BLZF1: variants seen among roughly 807,000 people sequenced by gnomAD.
The protein encoded by BLZF1 is basic leucine zipper nuclear factor 1, also known as golgin-45.
Under a neutral mutation model 43.8 loss-of-function variants are expected in BLZF1, and 39 were observed. The observed-to-expected ratio is 0.89, with a 90% CI of 0.69 to 1.16. The LOEUF (loss-of-function observed/expected upper bound fraction) is 1.16, where lower values mean the gene tolerates loss of function less well. Ranked by LOEUF, BLZF1 falls within the 50% of genes most tolerant of loss-of-function variation. The probability of loss-of-function intolerance (pLI) is 0.00; values close to 1 mark genes in which losing one functional copy is unlikely to be tolerated. For missense variants in BLZF1, 449 were observed against 469.8 expected (o/e 0.96, Z 0.41); for synonymous variants, 136 against 159.4 (o/e 0.85, Z 1.11).
intron 4 of BLZF1, among the ~76,000 whole-genome samples, chr1:169,380,193 T>G (rs975006337): frequency 6.6e-6 from 1 of 151,994 alleles, no homozygotes; most frequent in Non-Finnish European, 1.5e-5. Context: ...CAAATTTTGG[T>G]CAATCTAGAG....
Position 169,382,125 on chromosome 1 carries a change from A to G in BLZF1, c.861A>G (p.Val287=). 6 of 1,613,896 alleles carry G rather than the reference A, an allele frequency of 3.7e-6. No homozygotes were observed. The highest frequency in any genetic ancestry group is 1.1e-5 in the South Asian group (1 of 91,082). ...WGREQTYSPS[V]QPHSTAELAL... ...GAGAGCAAACTTACTCCCCTAGTGT[A>G]CAACCCCACAGCACAGCAGAGCTAG... Residue 287 remains valine (V), a synonymous_variant, in exon 6 of 7, where the codon GTA becomes GTG. Transcript: ENST00000367808.
chr1:169,369,908 A>G (rs1412268953), intron 2 of BLZF1, among the ~76,000 whole-genome samples: 1 of 152,218 alleles, frequency 6.6e-6, no homozygotes, highest in African/African-American at 2.4e-5. Flanking sequence ...GATCTCTTTC[A>G]TGTTGTATTA....
chr1:169,372,845 T>C (rs1040220841), intron 2 of BLZF1, among the ~76,000 whole-genome samples: 17 of 152,230 alleles, frequency 1.1e-4, no homozygotes, highest in African/African-American at 4.1e-4. Flanking sequence ...GGTTGGCAAA[T>C]TGTGGCCCTC....
At chr1:169,379,004 A>C (rs1654448551) in intron 4 of BLZF1, among the ~76,000 whole-genome samples, 1 of 151,884 alleles carries the variant, frequency 6.6e-6, no homozygotes, top group African/African-American at 2.4e-5. Flanking sequence ...GGATGAGGCT[A>C]CTCTCATATG....
intron 4 of BLZF1, among the ~76,000 whole-genome samples, chr1:169,379,917 C>T (rs1363640584): frequency 6.6e-6 from 1 of 151,712 alleles, no homozygotes; most frequent in East Asian, 1.9e-4. Flanking sequence ...TTCAGTATCT[C>T]TTTTTGTAAA....
At chr1:169,371,736 T>A (rs1423711998) in intron 2 of BLZF1, among the ~76,000 whole-genome samples, 1 of 152,158 alleles carries the variant, frequency 6.6e-6, no homozygotes, top group East Asian at 1.9e-4. Context: ...AATTAGAAAC[T>A]TAAAATCCAA....
intron 1 of BLZF1, among the ~76,000 whole-genome samples, chr1:169,369,184 T>A (rs901803582): frequency 1.2e-4 from 19 of 152,160 alleles, no homozygotes; most frequent in Non-Finnish European, 1.5e-5. Flanking sequence ...AGTAACTTCA[T>A]TCCCTTTGCT....
intron 2 of BLZF1, among the ~76,000 whole-genome samples, chr1:169,375,212 G>T (rs1654258717): frequency 6.6e-6 from 1 of 150,556 alleles, no homozygotes; most frequent in African/African-American, 2.4e-5. Flanking sequence ...TAACTTGAAG[G>T]GAATATATTC....
rs1654494046 is a variant in BLZF1 at position 169,380,613 on chromosome 1, T to C, written c.797+4T>C. 2 of 1,612,056 alleles carry C rather than the reference T, an allele frequency of 1.2e-6. No individual in the cohort carries two copies. The highest frequency in any genetic ancestry group is 1.3e-5 in the African/African-American group (1 of 74,848). On this transcript the variant is annotated splice_donor_region_variant and intron_variant, in intron 5 of 6. Transcript: ENST00000367808. Reference sequence around the variant, plus strand: ...AAGAAATGATAGCTACCCAGAAGTATGGCACTTGTTTACATTCTGAACTCT... The same window carrying C: ...AAGAAATGATAGCTACCCAGAAGTACGGCACTTGTTTACATTCTGAACTCT...
chr1:169,390,889 A>G (rs1654799110), downstream of BLZF1, among the ~76,000 whole-genome samples: 1 of 152,228 alleles, frequency 6.6e-6, no homozygotes, highest in Non-Finnish European at 1.5e-5. Context: ...CCTTTTAAAT[A>G]CAAGCATGCA....
chr1:169,387,239 T>A lies in BLZF1; in HGVS notation c.*57T>A. ...TTCCTTATTACCCAAGAGTCATTAT[T>A]ATTTGGGAGCTGGGGTTCTTACAAT... On this transcript the variant is annotated 3_prime_UTR_variant, in exon 7 of 7. Coordinates refer to ENST00000367808, the MANE Select transcript of BLZF1 (RefSeq NM_001320973.2). 5.3e-6 allele frequency: 8 copies of A among 1,497,306 alleles called. No homozygotes were observed. Among genetic ancestry groups the A allele is most frequent in the Non-Finnish European group, 7.3e-6 (8 of 1,099,656 alleles). The allele number at this position is 1,497,306 out of a possible 1,614,324, so 92.8% of individuals were successfully genotyped here.
At chr1:169,395,121 G>A (rs950698632) in intron 7 of BLZF1, 21 of 1,613,410 alleles carry the variant, frequency 1.3e-5, no homozygotes, top group African/African-American at 2.7e-5. Context: ...TGTTTAGAAC[G>A]CTTAGCTTCT....
intron 1 of BLZF1, 50 bp from the exon 2 acceptor site, chr1:169,369,423 A>T: frequency 2.2e-6 from 2 of 926,158 alleles, no homozygotes; most frequent in Non-Finnish European, 3.3e-6. Flanking sequence ...GAGGTACTCT[A>T]TGTGTTTATA....
At chr1:169,375,388 T>A (rs1165032072) in intron 2 of BLZF1, among the ~76,000 whole-genome samples, 10 of 74,312 alleles carry the variant, frequency 1.3e-4, no homozygotes, top group African/African-American at 2.8e-4. Flanking sequence ...CATATATATA[T>A]AAAACATATA....
chr1:169,376,636 G>C lies in BLZF1; in HGVS notation c.125G>C (p.Arg42Thr). 20 of 1,613,254 alleles carry C rather than the reference G, an allele frequency of 1.2e-5. No individual in the cohort carries two copies. The highest frequency in any genetic ancestry group is 1.7e-5 in the Non-Finnish European group (20 of 1,179,538). Residue 42 changes from arginine to threonine, a missense_variant, in exon 3 of 7, where the codon AGA becomes ACA. By Grantham distance (71) the Arg-to-Thr change is moderately conservative (BLOSUM62 -1). Transcript: ENST00000367808. ...GAAGTTACCTCCGGAGTCCAATCTA[G>C]AAAGCATCATAGTCTTCAGAGTCCA... ...SVEVTSGVQS[R>T]KHHSLQSPWK...
At position 169,387,912 on chromosome 1, in the gene BLZF1, A is replaced by T. The variant is rs1473080744; in HGVS notation, c.*730A>T. 6.6e-6 allele frequency: 1 copy of T among 152,236 alleles called. No individual in the cohort carries two copies. The highest frequency in any genetic ancestry group is 2.4e-5 in the African/African-American group (1 of 41,462). 9.4% of individuals were successfully genotyped at this position (152,236 alleles called of 1,614,324 possible). A position where few individuals can be genotyped will look rare whatever the true frequency, so the allele number is the denominator to read the frequency against. On this transcript the variant is annotated 3_prime_UTR_variant, in exon 7 of 7. Coordinates refer to ENST00000367808, the MANE Select transcript of BLZF1 (RefSeq NM_001320973.2). ...ATTCCAAATGGATACAATCCGACAT[A>T]TATAAAAGAAACAGATTCTTAACTA...
In BLZF1 at chr1:169,378,456, G is replaced by A. The variant is rs1654432356; in HGVS notation, c.595G>A (p.Ala199Thr). ...AAATGAAGCCCTAGGTCGAAACACAGCTCAGCTTTCTGAACAGTTAGAACG... is the reference window on the plus strand; with the variant it reads ...AAATGAAGCCCTAGGTCGAAACACAACTCAGCTTTCTGAACAGTTAGAACG... ...LENEALGRNT[A>T]QLSEQLERMS... is the part of the protein sequence containing the mutation. Residue 199 changes from alanine (A) to threonine (T), a missense_variant, in exon 4 of 7, where the codon GCT (alanine) becomes ACT (threonine). By Grantham distance (58) the Ala-to-Thr change is moderately conservative (BLOSUM62 0). Coordinates refer to ENST00000367808, the MANE Select transcript of BLZF1 (RefSeq NM_001320973.2). 6.2e-7 allele frequency: 1 copy of A among 1,612,990 alleles called. No homozygotes were observed. The highest frequency in any genetic ancestry group is 1.3e-5 in the African/African-American group (1 of 74,976).
At chr1:169,384,581 C>A (rs1160756057) in intron 6 of BLZF1, among the ~76,000 whole-genome samples, 2 of 152,188 alleles carry the variant, frequency 1.3e-5, no homozygotes, top group African/African-American at 4.8e-5. Flanking sequence ...ACCCACTGCA[C>A]TTAACATTCC....
chr1:169,383,120 G>A (rs1654574230), intron 6 of BLZF1, among the ~76,000 whole-genome samples: 1 of 152,102 alleles, frequency 6.6e-6, no homozygotes, highest in Non-Finnish European at 1.5e-5. Context: ...CAGTTCAGCT[G>A]TTTGCCTTTT....
Sources: gnomAD v4.1 joint callset for allele counts (sites outside exome capture counted in the v4.1 genomes callset) on GRCh38, gnomAD v4.1.1 for gene constraint, MANE v1.5 for transcripts, NCBI Gene and HGNC (gene_info 2026-07-23, HGNC 2026-07-21) for gene names.